Variants in ZNF541 observed in about 807,000 individuals in gnomAD.
ZNF541 encodes the protein zinc finger protein 541.
ZNF541 carries 23 observed loss-of-function variants against 123.5 expected under a neutral mutation model. The observed-to-expected ratio is 0.19, with a 90% CI of 0.13 to 0.26. ZNF541 has a LOEUF of 0.26. Among genes scored for constraint, ZNF541 ranks in the 10% least tolerant of loss-of-function variants. ZNF541 has a pLI of 1.00. For synonymous variants in ZNF541, 751 were observed against 754.5 expected (o/e 1.00, Z 0.08); for missense variants, 1,612 against 1,789.9 (o/e 0.90, Z 1.79).
chr19:47,571,249 A>G (rs1971467553), intron 2 of ZNF541, among the ~76,000 whole-genome samples: 1 of 151,880 alleles, frequency 6.6e-6, no homozygotes, highest in Non-Finnish European at 1.5e-5. Context: ...AGTAGCTGGG[A>G]CTACAGGCGC....
chr19:47,545,776 G>A lies in ZNF541; in HGVS notation c.753C>T (p.Pro251=). 2 of 1,539,836 alleles carry A rather than the reference G, an allele frequency of 1.3e-6. No individual in the cohort carries two copies. The highest frequency in any genetic ancestry group is 1.7e-6 in the Non-Finnish European group (2 of 1,143,188). ...HAHESAGQPP[P]SSLRSLVPPE... is the part of the protein sequence containing the mutation. ...GGGGCACCAGGGACCGCAGGCTGCT[G>A]GGGGGCGGCTGGCCGGCCGACTCGT... is the stretch of plus-strand genomic sequence containing the variant. The change falls in exon 5 of 17, where the codon CCC becomes CCT. Residue 251 remains proline (P), a synonymous_variant. Coordinates refer to ENST00000391901, the MANE Select transcript of ZNF541 (RefSeq NM_001277075.3). This position sits in a 1 kb window ranked among gnomAD's most constrained non-coding sequence, Gnocchi z 7.5.
At chr19:47,529,442 G>T in intron 13 of ZNF541, 135 bp downstream of exon 13, 1 of 846,682 alleles carries the variant, frequency 1.2e-6, no homozygotes. Context: ...ATCCCGACAA[G>T]GACAGGCCCT....
intron 9 of ZNF541, among the ~76,000 whole-genome samples, chr19:47,535,359 T>C (rs1969768159): frequency 6.6e-6 from 1 of 152,112 alleles, no homozygotes; most frequent in Non-Finnish European, 1.5e-5. Flanking sequence ...AGAAAGGAAA[T>C]TGGGCTTCAT....
In ZNF541 at chr19:47,544,507, A is replaced by G. The variant is rs1208373486; in HGVS notation, c.2022T>C (p.Ser674=). Residue 674 remains serine, a synonymous_variant, in exon 5 of 17, where the codon TCT becomes TCC. Transcript: ENST00000391901. ...AGGATCGCAGCTGCTTGGCCAGAGA[A>G]GAGATGTCTGGATTCCTGGAAGGGT... ...SLDPSRNPDI[S]SLAKQLRSSK... is the part of the protein sequence containing the mutation. 1 of 1,551,394 alleles carries G rather than the reference A, an allele frequency of 6.4e-7. No individual in the cohort carries two copies. The highest frequency in any genetic ancestry group is 1.2e-5 in the South Asian group (1 of 84,058).
chr19:47,571,370 G>A (rs1383150088), intron 2 of ZNF541, among the ~76,000 whole-genome samples: 2 of 152,222 alleles, frequency 1.3e-5, no homozygotes, highest in Non-Finnish European at 2.9e-5. Context: ...AAAGTGCTGG[G>A]ATTACAGGCA....
At chr19:47,550,239 G>A (rs914248756) in intron 3 of ZNF541, among the ~76,000 whole-genome samples, 5 of 151,400 alleles carry the variant, frequency 3.3e-5, no homozygotes, top group Non-Finnish European at 7.4e-5. Flanking sequence ...GCGACAGAGT[G>A]GGACTCTGTC....
chr19:47,547,643 G>A lies in ZNF541; in HGVS notation c.548+1602C>T, dbSNP rs546538375. ...GGGGTAGGTGTGGGTGAGAGGATAA[G>A]ATGAAAGATGGATTAGTCAAAGCCC... On this transcript the variant is annotated intron_variant, in intron 4 of 16. Transcript: ENST00000391901. Among the ~76,000 whole-genome samples, 6 of 152,256 alleles carry A rather than the reference G, an allele frequency of 3.9e-5. No homozygotes were observed. The South Asian group carries it at 1.2e-3, about 32-fold the overall frequency.
chr19:47,568,060 C>T (rs1971335011), intron 2 of ZNF541, among the ~76,000 whole-genome samples: 1 of 152,200 alleles, frequency 6.6e-6, no homozygotes, highest in Non-Finnish European at 1.5e-5. Context: ...GTCTAAACTT[C>T]TCACAGTATC....
chr19:47,529,046 AG>A lies in ZNF541; in HGVS notation c.3482-9del, dbSNP rs1333836035. The A allele has an allele frequency of 3.9e-6, 6 of 1,549,274 alleles. No homozygotes were observed. Among genetic ancestry groups the A allele is most frequent in the Admixed American group, 3.9e-5 (2 of 50,946 alleles). ...GGGTCCAGACGTCTGAACCTATCAA[AG>A]AACACAGCCAACAGGGGGAAGGCCA... On this transcript the variant is annotated splice_polypyrimidine_tract_variant and intron_variant, in intron 13 of 16. Coordinates refer to ENST00000391901, the MANE Select transcript of ZNF541 (RefSeq NM_001277075.3).
At position 47,540,896 on chromosome 19, in the gene ZNF541, C is replaced by G. The variant is rs1970052928; in HGVS notation, c.2459G>C (p.Arg820Thr). Residue 820 changes from arginine to threonine, a missense_variant, in exon 6 of 17, where the codon AGA becomes ACA. Arg to Thr is a moderately conservative substitution (Grantham distance 71, BLOSUM62 -1). Coordinates refer to ENST00000391901, the MANE Select transcript of ZNF541 (RefSeq NM_001277075.3). ...HPVKEENVAGRGNQQNGSPTD... is the reference protein window; with the variant it reads ...HPVKEENVAGTGNQQNGSPTD... ...GATCGGGGGCTTCTTAACTTACCCT[C>G]TGCCTGCCACATTCTCTTCCTTCAC... 2 of 1,551,218 alleles carry G rather than the reference C, an allele frequency of 1.3e-6. No individual in the cohort carries two copies. The highest frequency in any genetic ancestry group is 2.4e-5 in the South Asian group (2 of 83,884).
At chr19:47,528,364 CTGGAGTGCAGTGGCACAA>C (rs1969406894) in intron 14 of ZNF541, among the ~76,000 whole-genome samples, 4 of 150,974 alleles carry the variant, frequency 2.6e-5, no homozygotes, top group Non-Finnish European at 5.9e-5. Flanking sequence ...GTTGCCCAGC[CTGGAGTGCAGTGGCACAA>C]TCCCCACTCA....
intron 14 of ZNF541, among the ~76,000 whole-genome samples, chr19:47,525,935 A>G (rs1052972846): frequency 4.6e-5 from 7 of 151,698 alleles, no homozygotes; most frequent in Admixed American, 3.9e-4. Context: ...AAAAAAAAAA[A>G]AAAAAACTTC....
intron 8 of ZNF541, chr19:47,538,644 C>CA (rs1969939752): frequency 1.9e-6 from 1 of 538,472 alleles, no homozygotes; most frequent in Admixed American, 3.5e-5. Flanking sequence ...TCTCCTGCAC[C>CA]CACTGCCCCA....
intron 4 of ZNF541, among the ~76,000 whole-genome samples, chr19:47,546,896 T>C (rs1970382415): frequency 6.6e-6 from 1 of 152,114 alleles, no homozygotes. Context: ...ATTTTTGTAT[T>C]TTTAGTAGAG....
intron 2 of ZNF541, among the ~76,000 whole-genome samples, chr19:47,570,508 T>G (rs1357623590): frequency 2.9e-5 from 4 of 135,606 alleles, no homozygotes; most frequent in Non-Finnish European, 6.1e-5. Flanking sequence ...ACCTGGGAGG[T>G]AGAGTTTGCA....
chr19:47,545,875 C>T lies in ZNF541; in HGVS notation c.654G>A (p.Glu218=). The change falls in exon 5 of 17, where the codon GAG becomes GAA. Residue 218 remains glutamate (E), a synonymous_variant. Transcript: ENST00000391901. The surrounding 1 kb of genome is among the most constrained non-coding windows in gnomAD (Gnocchi z 7.5). ...TCAGGATGCACAGGCCGTGATGGAC[C>T]TCGTAGTGCCGGCGCAGAGAGCGGT... is the stretch of plus-strand genomic sequence containing the variant. ...CDYRSLRRHY[E]VHHGLCILKE... 1 of 1,549,566 alleles carries T rather than the reference C, an allele frequency of 6.5e-7. No individual in the cohort carries two copies. The highest frequency in any genetic ancestry group is 1.2e-5 in the South Asian group (1 of 83,996).
chr19:47,560,516 C>G (rs1971016435), intron 2 of ZNF541, among the ~76,000 whole-genome samples: 1 of 139,254 alleles, frequency 7.2e-6, no homozygotes, highest in African/African-American at 2.7e-5. Flanking sequence ...GTGGAGGTTG[C>G]AATGAGCCAA....
chr19:47,549,966 T>G (rs141793316), intron 3 of ZNF541, among the ~76,000 whole-genome samples: 1 of 152,188 alleles, frequency 6.6e-6, no homozygotes, highest in Admixed American at 6.6e-5. Context: ...CAACCTAATA[T>G]CTGGGTTGGG....
chr19:47,550,339 GAGAA>G (rs1355175415), intron 3 of ZNF541, among the ~76,000 whole-genome samples: 5 of 148,092 alleles, frequency 3.4e-5, no homozygotes, highest in East Asian at 3.9e-4. Context: ...GAGAGAGAAA[GAGAA>G]AGAAAGGAAG....
Sources: allele counts gnomAD v4.1 joint callset (sites outside exome capture counted in the v4.1 genomes callset), GRCh38; gene constraint gnomAD v4.1.1; non-coding constraint Gnocchi (gnomAD v3.1); transcripts MANE v1.5; gene names NCBI Gene and HGNC (gene_info 2026-07-23, HGNC 2026-07-21).